PIBF1: variants seen among roughly 807,000 people sequenced by gnomAD.
PIBF1 encodes the protein progesterone-induced-blocking factor 1.
In PIBF1, 90 loss-of-function variants were observed where a neutral mutation model predicts 112.5. That is an observed-to-expected ratio of 0.80 (90% CI 0.67 to 0.95). PIBF1 has a LOEUF of 0.95. Ranked by LOEUF, PIBF1 falls within the 40% of genes least tolerant of loss-of-function variation. The pLI is 0.00. For missense variants in PIBF1, 915 were observed against 852.3 expected (o/e 1.07, Z -0.92); for synonymous variants, 301 against 288.6 (o/e 1.04, Z -0.44).
intron 13 of PIBF1, among the ~76,000 whole-genome samples, chr13:72,930,638 A>G (rs971712488): frequency 3.9e-5 from 6 of 152,186 alleles, no homozygotes; most frequent in Non-Finnish European, 7.3e-5. Flanking sequence ...CTTAGCCTTT[A>G]CTATAGACAT....
chr13:72,808,712 A>G lies in PIBF1; in HGVS notation c.672+10686A>G, dbSNP rs377084893. Among the ~76,000 whole-genome samples, 154 of 152,246 alleles carry G rather than the reference A, an allele frequency of 1.0e-3. No homozygotes were observed. In the Middle Eastern group the frequency reaches 0.024, roughly 24 times the overall value. ...AGAATTCAGTTTCCCCTCTCTGGCT[A>G]TCTCTGAAATTTCCTCCTCATTTAG... is the stretch of plus-strand genomic sequence containing the variant. On this transcript the variant is annotated intron_variant, in intron 5 of 17. Transcript: ENST00000326291.
intron 10 of PIBF1, among the ~76,000 whole-genome samples, chr13:72,892,507 T>G (rs1018003259): frequency 6.6e-6 from 1 of 152,036 alleles, no homozygotes; most frequent in East Asian, 1.9e-4. Context: ...GAAATGTCAG[T>G]TATGAATATT....
At position 72,783,437 on chromosome 13, in the gene PIBF1, A is replaced by G; in HGVS notation, c.-33A>G. 2 of 1,422,522 alleles carry G rather than the reference A, an allele frequency of 1.4e-6. No homozygotes were observed. The highest frequency in any genetic ancestry group is 9.7e-7 in the Non-Finnish European group (1 of 1,028,786). The allele number at this position is 1,422,522 out of a possible 1,614,324, so 88.1% of individuals were successfully genotyped here. ...TTAACCTACAGAATATTAAAATCAA[A>G]TTAGAGAAGAAAACTGATCCATAAT... On this transcript the variant is annotated 5_prime_UTR_variant, in exon 2 of 18. Transcript: ENST00000326291.
At chr13:73,002,746 G>A (rs922561394) in intron 17 of PIBF1, among the ~76,000 whole-genome samples, 2 of 152,058 alleles carry the variant, frequency 1.3e-5, no homozygotes, top group African/African-American at 2.4e-5. Flanking sequence ...CACTTTGAGA[G>A]GCCGAGGCAG....
chr13:72,865,611 G>A (rs925214755), intron 10 of PIBF1, among the ~76,000 whole-genome samples: 5 of 152,112 alleles, frequency 3.3e-5, no homozygotes, highest in African/African-American at 1.2e-4. Context: ...TTTGAAAAAT[G>A]CTTCAAGATG....
intron 5 of PIBF1, among the ~76,000 whole-genome samples, chr13:72,808,166 A>G (rs1431255738): frequency 6.6e-6 from 1 of 152,156 alleles, no homozygotes; most frequent in Non-Finnish European, 1.5e-5. Flanking sequence ...TCTCTTGAGT[A>G]AGTACTTAAG....
chr13:72,896,842 A>G (rs2040300078), intron 11 of PIBF1, among the ~76,000 whole-genome samples: 1 of 152,204 alleles, frequency 6.6e-6, no homozygotes, highest in African/African-American at 2.4e-5. Context: ...TTCCTGAGGA[A>G]GAAGACAATT....
chr13:72,855,235 A>G (rs2038362990), intron 10 of PIBF1, among the ~76,000 whole-genome samples: 1 of 152,214 alleles, frequency 6.6e-6, no homozygotes, highest in South Asian at 2.1e-4. Flanking sequence ...TCATATAATT[A>G]ACCTATTGTA....
chr13:72,789,983 TG>T (rs2034813721), intron 2 of PIBF1, among the ~76,000 whole-genome samples: 1 of 152,222 alleles, frequency 6.6e-6, no homozygotes, highest in Admixed American at 6.5e-5. Flanking sequence ...TTTATTGAGA[TG>T]TTGCTGGATA....
chr13:72,887,177 T>G (rs1319211428), intron 10 of PIBF1, among the ~76,000 whole-genome samples: 1 of 151,804 alleles, frequency 6.6e-6, no homozygotes, highest in Non-Finnish European at 1.5e-5. Flanking sequence ...ATTTAAAATT[T>G]TTAAATATAC....
intron 16 of PIBF1, among the ~76,000 whole-genome samples, chr13:72,978,679 A>T (rs1006488898): frequency 6.6e-6 from 1 of 152,182 alleles, no homozygotes; most frequent in African/African-American, 2.4e-5. Flanking sequence ...CCTCAGAATA[A>T]CTTTATCTGT....
At chr13:73,015,725 C>G (rs1236045398) in intron 17 of PIBF1, 144 bp from the exon 18 acceptor site, 7 of 355,752 alleles carry the variant, frequency 2.0e-5, no homozygotes, top group Non-Finnish European at 3.0e-5. Context: ...AGTCTTCGCC[C>G]TTAAGTATCC....
At chr13:72,919,236 A>G (rs2041210871) in intron 13 of PIBF1, among the ~76,000 whole-genome samples, 1 of 152,230 alleles carries the variant, frequency 6.6e-6, no homozygotes, top group South Asian at 2.1e-4. Context: ...GAATAAAAAA[A>G]TAAAGTGATG....
At chr13:73,003,438 A>G (rs1477065241) in intron 17 of PIBF1, among the ~76,000 whole-genome samples, 3 of 151,876 alleles carry the variant, frequency 2.0e-5, no homozygotes, top group African/African-American at 7.3e-5. Flanking sequence ...ATTTTTTTGT[A>G]GAGACGGGGT....
intron 12 of PIBF1, among the ~76,000 whole-genome samples, chr13:72,911,418 TA>T (rs59368776): frequency 0.6 from 90,344 of 151,606 alleles, 27,510 homozygotes; most frequent in East Asian, 0.76. Flanking sequence ...TAAATGGTGC[TA>T]AAAAAAAATT....
intron 16 of PIBF1, among the ~76,000 whole-genome samples, chr13:72,981,157 A>G (rs984427538): frequency 6.6e-6 from 1 of 151,840 alleles, no homozygotes; most frequent in Non-Finnish European, 1.5e-5. Context: ...CGGCAGGAGA[A>G]TCACTTGAAC....
intron 14 of PIBF1, among the ~76,000 whole-genome samples, chr13:72,962,893 T>C (rs964159915): frequency 2.6e-5 from 4 of 152,198 alleles, no homozygotes; most frequent in Non-Finnish European, 5.9e-5. Flanking sequence ...ACTGTAAAGT[T>C]ACAGTCAGCA....
chr13:72,811,847 A>G lies in PIBF1; in HGVS notation c.673-10002A>G, dbSNP rs188194315. Among the ~76,000 whole-genome samples the G allele has an allele frequency of 8.6e-3, 1,299 of 150,176 alleles. 67 individuals carry two copies. Among genetic ancestry groups the G allele is most frequent in the East Asian group, 9.3e-3 (48 of 5,180 alleles). ...GGCTTACGATAAAAGTGCATGAGGG[A>G]AAAAAAATTCATGGGAAAGCTAAAA... On this transcript the variant is annotated intron_variant, in intron 5 of 17. Transcript: ENST00000326291.
intron 2 of PIBF1, among the ~76,000 whole-genome samples, chr13:72,791,562 G>A (rs552035791): frequency 3.5e-4 from 53 of 152,264 alleles, no homozygotes; most frequent in African/African-American, 1.2e-3. Flanking sequence ...AAATACCACT[G>A]TATTATGCCA....
Sources: allele counts gnomAD v4.1 joint callset (sites outside exome capture counted in the v4.1 genomes callset), GRCh38; gene constraint gnomAD v4.1.1; transcripts MANE v1.5; gene names NCBI Gene and HGNC (gene_info 2026-07-23, HGNC 2026-07-21).